WDR75: variants seen among roughly 807,000 people sequenced by gnomAD.
WDR75 encodes the protein WD repeat domain 75, also known as WD repeat-containing protein 75.
In WDR75, 52 loss-of-function variants were observed where a neutral mutation model predicts 106.1. That is an observed-to-expected ratio of 0.49 (90% CI 0.39 to 0.62). WDR75 has a LOEUF of 0.62. Among genes scored for constraint, WDR75 ranks in the 20% least tolerant of loss-of-function variants. The probability of loss-of-function intolerance (pLI) is 0.00; values close to 1 mark genes in which losing one functional copy is unlikely to be tolerated. For missense variants in WDR75, 905 were observed against 970.3 expected, an observed-to-expected ratio of 0.93 and a Z score of 0.89; for synonymous variants, 333 against 335.5, an observed-to-expected ratio of 0.99 and a Z score of 0.08.
chr2:189,465,359 AT>A (rs1382907802), intron 12 of WDR75, 105 bp downstream of exon 12: 1 of 1,222,506 alleles, frequency 8.2e-7, no homozygotes, highest in Non-Finnish European at 1.1e-6. Flanking sequence ...CAAGGTTTAG[AT>A]TTAGAGATAT....
At chr2:189,455,762 A>G (rs183398652) in intron 5 of WDR75, 155 of 175,690 alleles carry the variant, frequency 8.8e-4, no homozygotes, top group Middle Eastern at 2.5e-3. Flanking sequence ...TTTGGAAACT[A>G]CAGAAAAATA....
chr2:189,455,846 T>A (rs1325065856), intron 5 of WDR75, among the ~76,000 whole-genome samples: 1 of 152,214 alleles, frequency 6.6e-6, no homozygotes, highest in Admixed American at 6.5e-5. Flanking sequence ...TTCTTAACAT[T>A]CATAAAATAA....
chr2:189,470,466 C>CT (rs1687093778), intron 17 of WDR75, among the ~76,000 whole-genome samples: 2 of 152,020 alleles, frequency 1.3e-5, no homozygotes, highest in South Asian at 4.1e-4. Context: ...CTTGTATTAA[C>CT]TCTGTGACAG....
Position 189,448,512 on chromosome 2 carries a change from TCAAA to T in WDR75, c.216+7_216+10del. On this transcript the variant is annotated splice_donor_5th_base_variant and intron_variant, in intron 2 of 20. Transcript: ENST00000314761. ...TAACCCCAACAACCATCTACAGGTG[TCAAA>T]CAGTTTATAGCTGAATACTTTAAGA... 1.2e-6 allele frequency: 2 copies of T among 1,613,514 alleles called. No individual in the cohort carries two copies. Among genetic ancestry groups the T allele is most frequent in the Non-Finnish European group, 1.7e-6 (2 of 1,179,694 alleles).
intron 3 of WDR75, 36 bp downstream of exon 3, chr2:189,451,004 T>TA: frequency 2.5e-6 from 4 of 1,575,468 alleles, no homozygotes; most frequent in South Asian, 2.4e-5. Context: ...GTTATGTGAA[T>TA]AAAAAAAGGC....
chr2:189,452,554 C>CA (rs926726769), intron 4 of WDR75, among the ~76,000 whole-genome samples: 1,390 of 87,370 alleles, frequency 0.016, 4 homozygotes, highest in Middle Eastern at 0.03. Context: ...ACTCTGTCTC[C>CA]AAAAAAAAAA....
intron 15 of WDR75, 36 bp downstream of exon 15, chr2:189,468,605 G>A (rs2105571953): frequency 6.2e-7 from 1 of 1,601,162 alleles, no homozygotes; most frequent in East Asian, 2.2e-5. Flanking sequence ...ATCTGGCAAA[G>A]CGCATAAGGA....
intron 1 of WDR75, among the ~76,000 whole-genome samples, chr2:189,444,809 A>G (rs956298350): frequency 2.0e-5 from 3 of 152,126 alleles, no homozygotes; most frequent in African/African-American, 7.2e-5. Flanking sequence ...GATACTACCC[A>G]TTATAGACAC....
At chr2:189,449,534 T>C (rs1366111085) in intron 2 of WDR75, 1 of 1,083,968 alleles carries the variant, frequency 9.2e-7, no homozygotes, top group East Asian at 6.6e-5. Context: ...CTAAGTTTTA[T>C]AGCCAAAAAA....
chr2:189,450,107 G>A (rs957206731), intron 2 of WDR75: 26 of 957,522 alleles, frequency 2.7e-5, no homozygotes, highest in Non-Finnish European at 3.1e-5. Context: ...AGTACAGAAT[G>A]TGAGTGTCAC....
At chr2:189,445,786 A>G (rs1194767670) in intron 1 of WDR75, among the ~76,000 whole-genome samples, 1 of 152,228 alleles carries the variant, frequency 6.6e-6, no homozygotes, top group Non-Finnish European at 1.5e-5. Flanking sequence ...TGTAAATCTA[A>G]AATTATTTCA....
chr2:189,466,243 T>C (rs1030085548), intron 12 of WDR75, among the ~76,000 whole-genome samples, 182 bp from the exon 13 acceptor site: 1 of 152,166 alleles, frequency 6.6e-6, no homozygotes, highest in African/African-American at 2.4e-5. Flanking sequence ...AAAGGTGATA[T>C]ATTAGAACTC....
At chr2:189,474,476 T>A in intron 19 of WDR75, 144 bp downstream of exon 19, 1 of 1,060,864 alleles carries the variant, frequency 9.4e-7, no homozygotes, top group South Asian at 1.7e-5. Flanking sequence ...CCGAGTAACT[T>A]AACCTTGTGA....
chr2:189,469,069 A>G (rs1468929399), intron 15 of WDR75, among the ~76,000 whole-genome samples: 2 of 152,182 alleles, frequency 1.3e-5, no homozygotes, highest in African/African-American at 4.8e-5. Flanking sequence ...ACTCTGGTTA[A>G]CATACTGTAC....
intron 1 of WDR75, among the ~76,000 whole-genome samples, chr2:189,442,208 T>G (rs1241974820): frequency 6.6e-6 from 1 of 152,100 alleles, no homozygotes; most frequent in South Asian, 2.1e-4. Context: ...GGGGACAATA[T>G]TTAGTTCATC....
chr2:189,448,655 T>A, intron 2 of WDR75, 147 bp downstream of exon 2: 2 of 979,444 alleles, frequency 2.0e-6, no homozygotes, highest in East Asian at 2.6e-5. Flanking sequence ...CTTGCTAAAT[T>A]ACATTGCCTA....
At chr2:189,460,384 C>A (rs1278943290) in intron 8 of WDR75, among the ~76,000 whole-genome samples, 2 of 152,152 alleles carry the variant, frequency 1.3e-5, no homozygotes, top group African/African-American at 4.8e-5. Flanking sequence ...GGAGTAATGA[C>A]TAGTGTATGG....
chr2:189,458,435 A>C (rs1363662109), intron 6 of WDR75, among the ~76,000 whole-genome samples: 1 of 151,920 alleles, frequency 6.6e-6, no homozygotes, highest in Non-Finnish European at 1.5e-5. Flanking sequence ...TCAATGAGAA[A>C]TTTGAACAAG....
At chr2:189,461,433 A>G (rs546326938) in intron 8 of WDR75, among the ~76,000 whole-genome samples, 1 of 152,334 alleles carries the variant, frequency 6.6e-6, no homozygotes, top group South Asian at 2.1e-4. Flanking sequence ...ATTTGTAATC[A>G]TAATAAATAC....
Sources: gnomAD v4.1 joint callset for allele counts (sites outside exome capture counted in the v4.1 genomes callset) on GRCh38, gnomAD v4.1.1 for gene constraint, MANE v1.5 for transcripts, NCBI Gene and HGNC (gene_info 2026-07-23, HGNC 2026-07-21) for gene names.